The following AKAP6 variants were observed in gnomAD, a reference collection of about 807,000 sequenced individuals.
AKAP6 encodes the protein A-kinase anchor protein 6.
AKAP6 carries 58 observed loss-of-function variants against 188.5 expected under a neutral mutation model. That is an observed-to-expected ratio of 0.31 (90% CI 0.25 to 0.38). AKAP6 has a LOEUF of 0.38. Among genes scored for constraint, AKAP6 ranks in the 10% least tolerant of loss-of-function variants. AKAP6 has a pLI of 1.00. For missense variants in AKAP6, 2,710 were observed against 2,740.0 expected (o/e 0.99, Z 0.24); for synonymous variants, 989 against 998.6 (o/e 0.99, Z 0.18).
At chr14:32,625,333 C>T (rs1886973983) in intron 7 of AKAP6, among the ~76,000 whole-genome samples, 1 of 152,044 alleles carries the variant, frequency 6.6e-6, no homozygotes, top group Admixed American at 6.6e-5. Context: ...ACATAGTACC[C>T]AGAAGAGCCA....
At chr14:32,814,838 C>T (rs1158538518) in intron 12 of AKAP6, among the ~76,000 whole-genome samples, 1 of 152,156 alleles carries the variant, frequency 6.6e-6, no homozygotes, top group Non-Finnish European at 1.5e-5. Flanking sequence ...AAGCAGTCCT[C>T]CTGCCTCAGC....
chr14:32,664,664 C>T (rs947048524), intron 7 of AKAP6, among the ~76,000 whole-genome samples: 1 of 152,030 alleles, frequency 6.6e-6, no homozygotes, highest in African/African-American at 2.4e-5. Context: ...GCCTTTATTC[C>T]GTTCACGCTG....
intron 7 of AKAP6, among the ~76,000 whole-genome samples, chr14:32,657,145 C>T (rs914127231): frequency 6.6e-6 from 1 of 152,120 alleles, no homozygotes; most frequent in Non-Finnish European, 1.5e-5. Flanking sequence ...CTCCTGGGAG[C>T]CCTGGCTCTG....
intron 11 of AKAP6, among the ~76,000 whole-genome samples, chr14:32,738,193 G>A (rs1269448179): frequency 1.3e-5 from 2 of 152,242 alleles, no homozygotes; most frequent in East Asian, 3.9e-4. Flanking sequence ...TGTGTGTGCA[G>A]CTTCAATGCC....
chr14:32,532,163 T>G (rs1882447418), intron 2 of AKAP6, among the ~76,000 whole-genome samples: 2 of 152,246 alleles, frequency 1.3e-5, no homozygotes, highest in African/African-American at 2.4e-5. Context: ...GTCAGTAATT[T>G]TTTTATTCTA....
intron 9 of AKAP6, among the ~76,000 whole-genome samples, chr14:32,716,514 A>G (rs1436688089): frequency 6.7e-6 from 1 of 150,346 alleles, no homozygotes; most frequent in Non-Finnish European, 1.5e-5. Context: ...AGTATACACT[A>G]TGTATTTAGT....
intron 9 of AKAP6, chr14:32,718,417 G>T: frequency 2.9e-6 from 2 of 699,848 alleles, no homozygotes; most frequent in South Asian, 6.4e-5. Flanking sequence ...AGGCCCAAGG[G>T]GTCAGGGGAT....
chr14:32,497,038 C>T (rs1038022147), intron 2 of AKAP6, among the ~76,000 whole-genome samples: 11 of 151,988 alleles, frequency 7.2e-5, no homozygotes, highest in African/African-American at 2.2e-4. Context: ...TTTTGAGATC[C>T]GGAGACCGTG....
chr14:32,355,936 G>A (rs569573893), intron 1 of AKAP6, among the ~76,000 whole-genome samples: 4 of 151,866 alleles, frequency 2.6e-5, no homozygotes, highest in African/African-American at 7.2e-5. Flanking sequence ...CACCACACCC[G>A]GCTAATTTTT....
intron 2 of AKAP6, among the ~76,000 whole-genome samples, chr14:32,527,074 G>C (rs1882168036): frequency 6.6e-6 from 1 of 152,138 alleles, no homozygotes; most frequent in African/African-American, 2.4e-5. Context: ...ATAGTATATA[G>C]AACAGTTTCA....
At chr14:32,741,173 A>G (rs1190808109) in intron 11 of AKAP6, among the ~76,000 whole-genome samples, 2 of 151,570 alleles carry the variant, frequency 1.3e-5, no homozygotes, top group Non-Finnish European at 2.9e-5. Flanking sequence ...TCTTTTTCAG[A>G]TTGTTCACTG....
intron 2 of AKAP6, among the ~76,000 whole-genome samples, chr14:32,525,128 A>T (rs1324073141): frequency 1.3e-5 from 2 of 152,206 alleles, no homozygotes; most frequent in African/African-American, 4.8e-5. Context: ...GAATGAACTC[A>T]GATTTTGATC....
At position 32,835,567 on chromosome 14, in the gene AKAP6, A is replaced by T. The variant is rs1021763150; in HGVS notation, c.*5762A>T. ...CAATCCGAGGAATTAAATTCAGGCC[A>T]TTTCACAGTCAGTTTTTTTCAAATT... On this transcript the variant is annotated 3_prime_UTR_variant, in exon 14 of 14. Coordinates refer to ENST00000280979, the MANE Select transcript of AKAP6 (RefSeq NM_004274.5). The T allele has an allele frequency of 6.6e-6, 1 of 152,324 alleles. No homozygotes were observed. The highest frequency in any genetic ancestry group is 1.9e-4 in the East Asian group (1 of 5,178). The allele number at this position is 152,324 out of a possible 1,614,324, so 9.4% of individuals were successfully genotyped here. A position where few individuals can be genotyped will look rare whatever the true frequency, so the allele number is the denominator to read the frequency against.
intron 5 of AKAP6, among the ~76,000 whole-genome samples, chr14:32,592,226 C>G (rs528498052): frequency 5.0e-4 from 76 of 152,252 alleles, no homozygotes; most frequent in African/African-American, 1.7e-3. Context: ...CTGTCCTAGA[C>G]ACTGAGGATA....
At position 32,545,232 on chromosome 14, in the gene AKAP6, C is replaced by A. The variant is rs754081380; in HGVS notation, c.579C>A (p.Gly193=). The A allele has an allele frequency of 6.2e-6, 10 of 1,610,408 alleles. No individual in the cohort carries two copies. Among genetic ancestry groups the A allele is most frequent in the Non-Finnish European group, 2.5e-6 (3 of 1,177,290 alleles). ...LQAFSEETKE[G]RLDSLTEVDD... ...ACCATTGCCATTGTCTGTTTCAGGG[C>A]CGGCTTGATTCTCTAACAGAAGTGG... Residue 193 remains glycine (G), a splice_region_variant and synonymous_variant, in exon 4 of 14, where the codon GGC becomes GGA. Coordinates refer to ENST00000280979, the MANE Select transcript of AKAP6 (RefSeq NM_004274.5).
At chr14:32,552,848 A>G (rs1362767395) in intron 4 of AKAP6, among the ~76,000 whole-genome samples, 2 of 152,330 alleles carry the variant, frequency 1.3e-5, no homozygotes, top group South Asian at 2.1e-4. Context: ...TGGAACTCAT[A>G]GGGAGAATTA....
At chr14:32,408,777 T>G (rs17098993) in intron 1 of AKAP6, among the ~76,000 whole-genome samples, 5,390 of 151,882 alleles carry the variant, frequency 0.035, 242 homozygotes, top group African/African-American at 0.11. Flanking sequence ...GGAGTAGGAA[T>G]GTAGATCATG....
chr14:32,526,754 TAAAG>T (rs1179788833), intron 2 of AKAP6, among the ~76,000 whole-genome samples: 1 of 152,160 alleles, frequency 6.6e-6, no homozygotes, highest in Non-Finnish European at 1.5e-5. Context: ...AGAGGAAAAA[TAAAG>T]AAGAGGTAGT....
intron 1 of AKAP6, among the ~76,000 whole-genome samples, chr14:32,408,510 T>C (rs1594585128): frequency 7.4e-6 from 1 of 134,878 alleles, no homozygotes; most frequent in East Asian, 2.6e-4. Context: ...TATATAATTA[T>C]ACAATTTATA....
Sources: gnomAD v4.1 joint callset for allele counts (sites outside exome capture counted in the v4.1 genomes callset) on GRCh38, gnomAD v4.1.1 for gene constraint, MANE v1.5 for transcripts, NCBI Gene and HGNC (gene_info 2026-07-23, HGNC 2026-07-21) for gene names.